Variants in SEC63 observed in about 807,000 individuals in gnomAD.
SEC63 encodes the protein translocation protein SEC63 homolog.
A neutral mutation model predicts 116.2 loss-of-function variants in SEC63; 56 were observed. The observed-to-expected ratio is 0.48, with a 90% confidence interval of 0.39 to 0.60. The LOEUF (loss-of-function observed/expected upper bound fraction) is 0.60, where lower values mean the gene tolerates loss of function less well. Ranked by LOEUF, SEC63 falls within the 20% of genes least tolerant of loss-of-function variation. The pLI is 0.00. For synonymous variants in SEC63, 273 were observed against 294.6 expected (o/e 0.93, Z 0.75); for missense variants, 668 against 900.0 (o/e 0.74, Z 3.30).
At chr6:107,885,049 C>G (rs977854639) in intron 16 of SEC63, among the ~76,000 whole-genome samples, 2 of 152,080 alleles carry the variant, frequency 1.3e-5, no homozygotes, top group Non-Finnish European at 2.9e-5. Flanking sequence ...AAAACTTACA[C>G]CTAACATCAC....
chr6:107,909,195 C>G (rs1787221636), intron 7 of SEC63, 160 bp from the exon 8 acceptor site: 3 of 580,332 alleles, frequency 5.2e-6, no homozygotes, highest in Non-Finnish European at 6.2e-6. Context: ...TAGTGAGACC[C>G]TGTCTCTACA....
chr6:107,912,448 T>C (rs1305334978), intron 6 of SEC63, among the ~76,000 whole-genome samples: 2 of 152,132 alleles, frequency 1.3e-5, no homozygotes, highest in African/African-American at 4.8e-5. Flanking sequence ...CCAGGCATGG[T>C]GGTGGGTACC....
At chr6:107,922,513 A>G (rs1787581587) in intron 3 of SEC63, among the ~76,000 whole-genome samples, 1 of 152,232 alleles carries the variant, frequency 6.6e-6, no homozygotes, top group Admixed American at 6.5e-5. Context: ...CTCTCAAAAA[A>G]TGAAGATAAA....
intron 1 of SEC63, among the ~76,000 whole-genome samples, chr6:107,933,881 T>A (rs1787867098): frequency 6.6e-6 from 1 of 152,238 alleles, no homozygotes; most frequent in East Asian, 1.9e-4. Context: ...CCGCCACGCC[T>A]GACTGGTTTT....
chr6:107,919,717 G>C (rs1056704353), intron 4 of SEC63, among the ~76,000 whole-genome samples: 4 of 151,920 alleles, frequency 2.6e-5, no homozygotes, highest in African/African-American at 9.7e-5. Context: ...AGCTACTCGG[G>C]AGGCTGAGGC....
intron 1 of SEC63, among the ~76,000 whole-genome samples, chr6:107,942,693 C>A (rs1770403102): frequency 2.0e-5 from 3 of 152,194 alleles, no homozygotes; most frequent in African/African-American, 7.2e-5. Context: ...AACTTAACTA[C>A]TAATAGCCTA....
At chr6:107,919,790 C>A (rs1037127935) in intron 4 of SEC63, among the ~76,000 whole-genome samples, 7 of 151,610 alleles carry the variant, frequency 4.6e-5, no homozygotes, top group African/African-American at 1.7e-4. Context: ...CCACTCCACT[C>A]CAGCCTGGGC....
intron 16 of SEC63, among the ~76,000 whole-genome samples, chr6:107,884,929 G>A (rs1786494288): frequency 1.4e-5 from 2 of 147,012 alleles, no homozygotes; most frequent in African/African-American, 2.5e-5. Context: ...GAAAAAAGTG[G>A]AAAAAAAAAA....
chr6:107,872,393 A>T (rs1182303676), intron 20 of SEC63, among the ~76,000 whole-genome samples: 1 of 152,196 alleles, frequency 6.6e-6, no homozygotes, highest in East Asian at 1.9e-4. Context: ...GAATTGGTAA[A>T]CAAAGATCAG....
chr6:107,907,511 G>A (rs1225185242), intron 8 of SEC63, among the ~76,000 whole-genome samples: 2 of 152,182 alleles, frequency 1.3e-5, no homozygotes, highest in Admixed American at 1.3e-4. Flanking sequence ...GCACCCAGGA[G>A]GCAGACGTTG....
At chr6:107,873,940 T>C (rs1220125415) in intron 19 of SEC63, among the ~76,000 whole-genome samples, 1 of 151,872 alleles carries the variant, frequency 6.6e-6, no homozygotes, top group African/African-American at 2.4e-5. Flanking sequence ...ATGAGCAGAG[T>C]AAAAATTGAT....
At position 107,912,754 on chromosome 6, in the gene SEC63, G is replaced by T; in HGVS notation, c.535C>A (p.Leu179Met). The change falls in exon 6 of 21, where the codon CTG (leucine) becomes ATG (methionine). Residue 179 changes from leucine (L) to methionine (M), a missense_variant. Physicochemically the swap from Leu to Met is conservative, Grantham distance 15. Around this residue, in one of 5 missense-constraint regions of SEC63, gnomAD observed 430 missense variants for 557.5 expected, o/e 0.77. Transcript: ENST00000369002. ...GPQATSFGIA[L>M]PAWIVDQKNS... ...TTCTGGTCAACTATCCAAGCTGGCAGGGCAATTCCAAAGCTTGTGGCTGAA... is the reference window on the plus strand; with the variant it reads ...TTCTGGTCAACTATCCAAGCTGGCATGGCAATTCCAAAGCTTGTGGCTGAA... 1 of 1,611,328 alleles carries T rather than the reference G, an allele frequency of 6.2e-7. No homozygotes were observed.
chr6:107,952,348 G>T (rs1380694836), intron 1 of SEC63, among the ~76,000 whole-genome samples: 2 of 152,088 alleles, frequency 1.3e-5, no homozygotes, highest in African/African-American at 4.8e-5. Flanking sequence ...ATGCTTTCTG[G>T]TGTATTCAAG....
chr6:107,899,722 AAAAAAGAAAAG>A (rs1452945252), intron 13 of SEC63, among the ~76,000 whole-genome samples: 4 of 152,108 alleles, frequency 2.6e-5, no homozygotes, highest in African/African-American at 4.8e-5. Flanking sequence ...GTCTCAAAAA[AAAAAAGAAAAG>A]AAAAGAAAAG....
At chr6:107,885,521 T>G (rs1352623738) in intron 16 of SEC63, among the ~76,000 whole-genome samples, 1 of 152,150 alleles carries the variant, frequency 6.6e-6, no homozygotes, top group Non-Finnish European at 1.5e-5. Flanking sequence ...TTAATGAAGA[T>G]AAACCACAAT....
chr6:107,917,288 T>C (rs1385909685), intron 4 of SEC63, among the ~76,000 whole-genome samples: 2 of 152,204 alleles, frequency 1.3e-5, no homozygotes, highest in South Asian at 2.1e-4. Context: ...TTGCTGTTAA[T>C]AGATATGTGG....
chr6:107,898,566 C>A (rs1160052741), intron 13 of SEC63, among the ~76,000 whole-genome samples: 2 of 152,000 alleles, frequency 1.3e-5, no homozygotes, highest in Non-Finnish European at 2.9e-5. Context: ...CAAATATATC[C>A]TCTTTACACT....
intron 17 of SEC63, among the ~76,000 whole-genome samples, chr6:107,881,801 A>G (rs1375650966): frequency 6.6e-6 from 1 of 152,164 alleles, no homozygotes; most frequent in Non-Finnish European, 1.5e-5. Context: ...CTGCCCCACT[A>G]GCCTACATTA....
chr6:107,932,890 G>A (rs973185865), intron 1 of SEC63, among the ~76,000 whole-genome samples: 3 of 151,938 alleles, frequency 2.0e-5, no homozygotes, highest in African/African-American at 7.3e-5. Flanking sequence ...AAGGGGAAAC[G>A]AATGACTTTG....
Sources: allele counts gnomAD v4.1 joint callset (sites outside exome capture counted in the v4.1 genomes callset), GRCh38; gene constraint gnomAD v4.1.1; regional missense constraint gnomAD v4.1.1; transcripts MANE v1.5; gene names NCBI Gene and HGNC (gene_info 2026-07-23, HGNC 2026-07-21).